The following AGMO variants were observed in gnomAD, a reference collection of about 807,000 sequenced individuals.
The protein encoded by AGMO is alkylglycerol monooxygenase.
AGMO carries 75 observed loss-of-function variants against 60.2 expected under a neutral mutation model. That is an observed-to-expected ratio of 1.25 (90% CI 1.03 to 1.51). AGMO has a LOEUF of 1.51. Ranked by LOEUF, AGMO falls within the 40% of genes most tolerant of loss-of-function variation. The pLI, the probability that AGMO is intolerant of heterozygous loss-of-function variation, is 0.00. For synonymous variants in AGMO, 261 were observed against 177.1 expected, an observed-to-expected ratio of 1.47 and a Z score of -3.76; for missense variants, 763 against 525.5, an observed-to-expected ratio of 1.45 and a Z score of -4.42.
intron 12 of AGMO, among the ~76,000 whole-genome samples, chr7:15,219,033 T>G (rs1781835070): frequency 6.6e-6 from 1 of 152,180 alleles, no homozygotes; most frequent in Non-Finnish European, 1.5e-5. Context: ...TCATGTTAGA[T>G]AAGAGAAAGT....
At position 15,217,274 on chromosome 7, in the gene AGMO, G is replaced by T. The variant is rs10255677; in HGVS notation, c.1264-15915C>A. On this transcript the variant is annotated intron_variant, in intron 12 of 12. Transcript: ENST00000342526. Reference sequence around the variant, plus strand: ...TGTTCCCATATCCCAAGGAACATGGGAAGCCCAGGGATATTGACAATCTCA... The same window carrying T: ...TGTTCCCATATCCCAAGGAACATGGTAAGCCCAGGGATATTGACAATCTCA... 5.5e-3 allele frequency among the ~76,000 whole-genome samples: 841 copies of T among 152,160 alleles called. 6 individuals are homozygous for T. The highest frequency in any genetic ancestry group is 0.019 in the African/African-American group (791 of 41,530).
At chr7:15,218,449 T>C (rs1781813703) in intron 12 of AGMO, among the ~76,000 whole-genome samples, 1 of 151,802 alleles carries the variant, frequency 6.6e-6, no homozygotes, top group African/African-American at 2.4e-5. Flanking sequence ...TCAGTTCTTT[T>C]AGTGGTTAGT....
chr7:15,527,556 G>A (rs1784158816), intron 3 of AGMO, among the ~76,000 whole-genome samples: 1 of 152,208 alleles, frequency 6.6e-6, no homozygotes. Context: ...AAGCCAACAA[G>A]TGTTGATCTG....
intron 1 of AGMO, among the ~76,000 whole-genome samples, chr7:15,560,886 T>C (rs1470686748): frequency 6.6e-6 from 1 of 152,176 alleles, no homozygotes; most frequent in Non-Finnish European, 1.5e-5. Flanking sequence ...TTGAATTTGG[T>C]TTGATATTGC....
intron 5 of AGMO, among the ~76,000 whole-genome samples, chr7:15,413,118 G>A (rs1780662394): frequency 1.3e-5 from 2 of 152,278 alleles, no homozygotes; most frequent in African/African-American, 4.8e-5. Flanking sequence ...CACAGTAAGT[G>A]AAAGAGCCTC....
intron 6 of AGMO, among the ~76,000 whole-genome samples, 166 bp downstream of exon 6, chr7:15,393,947 T>C (rs113928510): frequency 6.8e-6 from 1 of 146,432 alleles, no homozygotes; most frequent in African/African-American, 2.5e-5. Context: ...GTTCATACTT[T>C]GGAGATGAGG....
At chr7:15,389,857 G>C (rs28682961) in intron 8 of AGMO, among the ~76,000 whole-genome samples, 10,436 of 152,160 alleles carry the variant, frequency 0.069, 664 homozygotes, top group African/African-American at 0.17. Context: ...GCACATAGTA[G>C]AAGCTCAATA....
At chr7:15,132,136 T>C in the AGMO span, among the ~76,000 whole-genome samples, 1 of 152,114 alleles carries the variant, frequency 6.6e-6, no homozygotes, top group African/African-American at 2.4e-5. Flanking sequence ...ACTGGAATTA[T>C]TACCTGGAGG....
downstream of AGMO, among the ~76,000 whole-genome samples, chr7:15,195,901 C>T (rs1781105020): frequency 6.6e-6 from 1 of 152,096 alleles, no homozygotes; most frequent in South Asian, 2.1e-4. Flanking sequence ...CCTATGGTGA[C>T]AATATTTTTC....
chr7:15,357,551 ATTTG>A (rs1251120479), intron 12 of AGMO, among the ~76,000 whole-genome samples: 5 of 152,182 alleles, frequency 3.3e-5, no homozygotes, highest in African/African-American at 7.2e-5. Flanking sequence ...TGGTCTGATA[ATTTG>A]TTTGACCAAT....
chr7:15,265,206 C>T (rs1353806218), intron 12 of AGMO, among the ~76,000 whole-genome samples: 1 of 152,102 alleles, frequency 6.6e-6, no homozygotes, highest in Admixed American at 6.6e-5. Context: ...ACCACATGTT[C>T]TCACTTACAA....
At chr7:15,205,406 G>C (rs1781414697) in intron 12 of AGMO, among the ~76,000 whole-genome samples, 1 of 150,338 alleles carries the variant, frequency 6.7e-6, no homozygotes, top group Non-Finnish European at 1.5e-5. Context: ...CTCTGAAATT[G>C]CTAATTTTTT....
chr7:15,537,554 A>T (rs915619391), intron 3 of AGMO, among the ~76,000 whole-genome samples: 4 of 152,126 alleles, frequency 2.6e-5, no homozygotes, highest in African/African-American at 9.7e-5. Flanking sequence ...AAAATATTGC[A>T]CAGCCGCCCT....
intron 12 of AGMO, among the ~76,000 whole-genome samples, chr7:15,218,318 GGTGTGTGTATGTGTGTGTGTGTGT>G (rs1332147676): frequency 1.6e-4 from 17 of 108,232 alleles, no homozygotes; most frequent in African/African-American, 5.9e-4. Flanking sequence ...TATTGACTAT[GGTGTGTGTATGTGTGTGTGTGTGT>G]GTGTGTGTGT....
chr7:15,199,526 C>T (rs1781219091), downstream of AGMO, among the ~76,000 whole-genome samples: 1 of 152,112 alleles, frequency 6.6e-6, no homozygotes. Context: ...ACATACTAAA[C>T]AACTATGTAA....
chr7:15,134,742 G>C, the AGMO span, among the ~76,000 whole-genome samples: 2 of 152,150 alleles, frequency 1.3e-5, no homozygotes, highest in Non-Finnish European at 2.9e-5. Context: ...TTGCTGTTGT[G>C]AACAGTGGAG....
intron 12 of AGMO, among the ~76,000 whole-genome samples, chr7:15,274,131 T>C (rs180991442): frequency 0.014 from 2,095 of 152,298 alleles, 46 homozygotes; most frequent in African/African-American, 0.049. Context: ...TCCTGCCTGA[T>C]TGCCCTGGCC....
chr7:15,285,587 G>A (rs1367624720), intron 12 of AGMO, among the ~76,000 whole-genome samples: 1 of 151,988 alleles, frequency 6.6e-6, no homozygotes, highest in African/African-American at 2.4e-5. Flanking sequence ...ACAAACAAAT[G>A]GAAACATATC....
the AGMO span, among the ~76,000 whole-genome samples, chr7:15,130,251 T>A: frequency 6.6e-6 from 1 of 152,078 alleles, no homozygotes; most frequent in Non-Finnish European, 1.5e-5. Context: ...TATTTTCCTT[T>A]TTTTCTTTCA....
Sources: allele counts gnomAD v4.1 joint callset (sites outside exome capture counted in the v4.1 genomes callset), GRCh38; gene constraint gnomAD v4.1.1; transcripts MANE v1.5; gene names NCBI Gene and HGNC (gene_info 2026-07-23, HGNC 2026-07-21).